SLC67A2: variants seen among roughly 807,000 people sequenced by gnomAD.
The protein encoded by SLC67A2 is solute carrier family 67 member 2.
the SLC67A2 span, chr2:102,736,794 T>C: frequency 1.2e-6 from 2 of 1,612,556 alleles, no homozygotes; most frequent in Non-Finnish European, 1.7e-6. Context: ...CATGTCCCAG[T>C]GACCCCCAAG....
the SLC67A2 span, among the ~76,000 whole-genome samples, chr2:102,730,764 T>C: frequency 2.6e-5 from 4 of 152,174 alleles, no homozygotes; most frequent in Non-Finnish European, 4.4e-5. Context: ...TTAGCCAGGA[T>C]GGTCTCGATC....
the SLC67A2 span, among the ~76,000 whole-genome samples, chr2:102,722,749 T>C: frequency 6.6e-6 from 1 of 151,356 alleles, no homozygotes; most frequent in African/African-American, 2.4e-5. Context: ...ACAAAACCAA[T>C]CCAAAAATAG....
the SLC67A2 span, chr2:102,732,464 C>T: frequency 2.7e-5 from 38 of 1,392,482 alleles, no homozygotes; most frequent in Middle Eastern, 1.8e-4. Context: ...AACTAGTAAA[C>T]CTAAAAATTT....
chr2:102,736,286 T>C, the SLC67A2 span, among the ~76,000 whole-genome samples: 1 of 152,154 alleles, frequency 6.6e-6, no homozygotes, highest in Admixed American at 6.5e-5. Flanking sequence ...GCACAGCAGC[T>C]GGGCTTTTCC....
chr2:102,725,318 A>T, the SLC67A2 span, among the ~76,000 whole-genome samples: 1 of 152,192 alleles, frequency 6.6e-6, no homozygotes, highest in Non-Finnish European at 1.5e-5. Context: ...AGGAGTTTTT[A>T]TATATAGCTC....
chr2:102,728,353 T>C, the SLC67A2 span, among the ~76,000 whole-genome samples: 7 of 152,122 alleles, frequency 4.6e-5, no homozygotes, highest in Admixed American at 1.3e-4. Context: ...CAACCATTCC[T>C]CACCCTCTCC....
At chr2:102,731,640 T>G in the SLC67A2 span, among the ~76,000 whole-genome samples, 15 of 152,194 alleles carry the variant, frequency 9.9e-5, no homozygotes, top group Non-Finnish European at 1.9e-4. Flanking sequence ...AGTACATTTG[T>G]CGAGGGAAAT....
At chr2:102,720,657 A>G in the SLC67A2 span, among the ~76,000 whole-genome samples, 7 of 152,226 alleles carry the variant, frequency 4.6e-5, no homozygotes, top group East Asian at 9.6e-4. Context: ...CATTTTATAG[A>G]TGAAAAAATG....
At chr2:102,724,307 C>T in the SLC67A2 span, among the ~76,000 whole-genome samples, 1 of 152,160 alleles carries the variant, frequency 6.6e-6, no homozygotes, top group African/African-American at 2.4e-5. Flanking sequence ...ATATTTACTG[C>T]ATGCCTACTC....
chr2:102,732,385 C>A, the SLC67A2 span: 1 of 1,613,356 alleles, frequency 6.2e-7, no homozygotes, highest in Non-Finnish European at 8.5e-7. Context: ...AATAAAGGCA[C>A]AACCATGCTG....
chr2:102,721,735 C>T, the SLC67A2 span, among the ~76,000 whole-genome samples: 2 of 152,116 alleles, frequency 1.3e-5, no homozygotes, highest in Non-Finnish European at 2.9e-5. Flanking sequence ...GACAGGATCT[C>T]ACTCTGTCAC....
the SLC67A2 span, chr2:102,726,705 C>T: frequency 1.6e-6 from 2 of 1,256,274 alleles, no homozygotes; most frequent in Non-Finnish European, 1.1e-6. Flanking sequence ...CCAGGCACGG[C>T]TCCCTTCTGA....
At chr2:102,718,419 T>C in the SLC67A2 span, 2 of 1,613,466 alleles carry the variant, frequency 1.2e-6, no homozygotes, top group Non-Finnish European at 1.7e-6. Context: ...TCCAAATCCA[T>C]CTACTCACTT....
At chr2:102,728,319 C>T in the SLC67A2 span, among the ~76,000 whole-genome samples, 1 of 152,182 alleles carries the variant, frequency 6.6e-6, no homozygotes, top group Non-Finnish European at 1.5e-5. Context: ...GTTCCTGCGT[C>T]CCTCCTTCCT....
the SLC67A2 span, among the ~76,000 whole-genome samples, chr2:102,721,666 T>TGTGTGTGTGC: frequency 5.3e-5 from 8 of 151,622 alleles, no homozygotes; most frequent in African/African-American, 1.7e-4. Context: ...CCTGTGTGTG[T>TGTGTGTGTGC]GTGTGTGTGT....
At chr2:102,729,585 G>A in the SLC67A2 span, among the ~76,000 whole-genome samples, 1,435 of 152,206 alleles carry the variant, frequency 9.4e-3, 20 homozygotes, top group African/African-American at 0.031. Context: ...CTGCTCTCCT[G>A]TACAATCTGA....
At chr2:102,725,718 T>A in the SLC67A2 span, among the ~76,000 whole-genome samples, 10 of 151,970 alleles carry the variant, frequency 6.6e-5, no homozygotes, top group African/African-American at 9.7e-5. Flanking sequence ...TTGGGGGGGC[T>A]GAACTCTACA....
the SLC67A2 span, among the ~76,000 whole-genome samples, chr2:102,733,518 C>G: frequency 6.6e-6 from 1 of 152,194 alleles, no homozygotes; most frequent in African/African-American, 2.4e-5. Flanking sequence ...TATCAAGTGA[C>G]TATAATTAGC....
the SLC67A2 span, among the ~76,000 whole-genome samples, chr2:102,729,972 A>C: frequency 2.3e-3 from 353 of 152,334 alleles, 1 homozygote; most frequent in African/African-American, 8.2e-3. Context: ...CTTTGTGTTC[A>C]TTAAATATGA....
Sources: gnomAD v4.1 joint callset for allele counts (sites outside exome capture counted in the v4.1 genomes callset) on GRCh38, gnomAD v4.1.1 for gene constraint, MANE v1.5 for transcripts, NCBI Gene and HGNC (gene_info 2026-07-23, HGNC 2026-07-21) for gene names.